KCNK12: variants seen among roughly 807,000 people sequenced by gnomAD.
KCNK12 encodes the protein potassium two pore domain channel subfamily K member 12.
In KCNK12, 6 loss-of-function variants were observed where a neutral mutation model predicts 25.3. The ratio of observed to expected loss-of-function variants is 0.24; its 90% CI spans 0.13 to 0.47. The LOEUF (loss-of-function observed/expected upper bound fraction) is 0.47, where lower values mean the gene tolerates loss of function less well. Ranked by LOEUF, KCNK12 falls within the 20% of genes least tolerant of loss-of-function variation. The probability of loss-of-function intolerance (pLI) is 0.99; values close to 1 mark genes in which losing one functional copy is unlikely to be tolerated. For missense variants in KCNK12, 444 were observed against 661.7 expected (o/e 0.67, Z 3.61); for synonymous variants, 331 against 311.1 (o/e 1.06, Z -0.67).
In KCNK12 at chr2:47,556,218, G is replaced by A. The variant is rs1270193653; in HGVS notation, c.391+13723C>T. ...AGTATAAATTAACAATGCATGGGGAGTGGGTAATGACAGGAACTAAGCCCT... is the reference window on the plus strand; with the variant it reads ...AGTATAAATTAACAATGCATGGGGAATGGGTAATGACAGGAACTAAGCCCT... On this transcript the variant is annotated intron_variant, in intron 1 of 1. Coordinates refer to ENST00000327876, the MANE Select transcript of KCNK12 (RefSeq NM_022055.2). This position sits in a 1 kb window ranked among gnomAD's most constrained non-coding sequence, Gnocchi z 4.8. 1.3e-5 allele frequency among the ~76,000 whole-genome samples: 2 copies of A among 152,236 alleles called. No individual in the cohort carries two copies. Among genetic ancestry groups the A allele is most frequent in the African/African-American group, 4.8e-5 (2 of 41,462 alleles).
chr2:47,557,566 C>G lies in KCNK12; in HGVS notation c.391+12375G>C, dbSNP rs1572607875. On this transcript the variant is annotated intron_variant, in intron 1 of 1. Coordinates refer to ENST00000327876, the MANE Select transcript of KCNK12 (RefSeq NM_022055.2). The surrounding 1 kb of genome is among the most constrained non-coding windows in gnomAD (Gnocchi z 4.9). ...TCTCCCTAACCACTACATTGTACTGCAAATTGTCACTTGGCAATGCAGATT... is the reference window on the plus strand; with the variant it reads ...TCTCCCTAACCACTACATTGTACTGGAAATTGTCACTTGGCAATGCAGATT... 6.6e-6 allele frequency among the ~76,000 whole-genome samples: 1 copy of G among 152,278 alleles called. No homozygotes were observed. The highest frequency in any genetic ancestry group is 1.5e-5 in the Non-Finnish European group (1 of 68,018).
At position 47,516,121 on chromosome 2, in the gene KCNK12, A is replaced by G. The variant is rs1457208210; in HGVS notation, c.*4786T>C. Among the ~76,000 whole-genome samples, 1 of 151,674 alleles carries G rather than the reference A, an allele frequency of 6.6e-6. No homozygotes were observed. Among genetic ancestry groups the G allele is most frequent in the Non-Finnish European group, 1.5e-5 (1 of 67,904 alleles). On this transcript the variant is annotated 3_prime_UTR_variant, in exon 2 of 2. Transcript: ENST00000327876. The stretch of plus-strand genomic sequence containing the variant: ...TGCCAGATCCAAAACTAGAATTCAG[A>G]CCTCCTAGTTTCTAAGTGGACGCTC...
intron 1 of KCNK12, among the ~76,000 whole-genome samples, chr2:47,542,620 A>T (rs539324915): frequency 6.6e-6 from 1 of 152,214 alleles, no homozygotes; most frequent in Admixed American, 6.5e-5. Flanking sequence ...CCTATATTTC[A>T]TCTGGGCCCC....
chr2:47,533,724 A>G lies in KCNK12; in HGVS notation c.392-11916T>C, dbSNP rs1346183466. 1.3e-5 allele frequency among the ~76,000 whole-genome samples: 2 copies of G among 152,114 alleles called. No homozygotes were observed. The highest frequency in any genetic ancestry group is 2.9e-5 in the Non-Finnish European group (2 of 68,018). The stretch of plus-strand genomic sequence containing the variant: ...GAGAGTGTGTGTGTGTGGGAGAGAT[A>G]TTTTTAAATGGGGCTGTTGTGGAAA... On this transcript the variant is annotated intron_variant, in intron 1 of 1. Coordinates refer to ENST00000327876, the MANE Select transcript of KCNK12 (RefSeq NM_022055.2). The surrounding 1 kb of genome is among the most constrained non-coding windows in gnomAD (Gnocchi z 4.7).
At position 47,556,003 on chromosome 2, in the gene KCNK12, C is replaced by T. The variant is rs890921087; in HGVS notation, c.391+13938G>A. 3.3e-5 allele frequency: 5 copies of T among 152,136 alleles called. No homozygotes were observed. The highest frequency in any genetic ancestry group is 4.4e-5 in the Non-Finnish European group (3 of 68,040). 9.4% of individuals were successfully genotyped at this position (152,136 alleles called of 1,614,324 possible). On this transcript the variant is annotated intron_variant, in intron 1 of 1. Transcript: ENST00000327876. The surrounding 1 kb of genome is among the most constrained non-coding windows in gnomAD (Gnocchi z 4.8). ...GGGGCCACTAGGGACCTTACAATAA[C>T]GTAGTCACTGGAAAGGTGGGGCTGG... is the stretch of plus-strand genomic sequence containing the variant.
chr2:47,544,568 T>G (rs1669272811), intron 1 of KCNK12, among the ~76,000 whole-genome samples: 1 of 152,262 alleles, frequency 6.6e-6, no homozygotes, highest in Admixed American at 6.5e-5. Context: ...ATGGGATTTG[T>G]TTTAAGCGCC....
At position 47,520,517 on chromosome 2, in the gene KCNK12, TA is replaced by T. The variant is rs891381246; in HGVS notation, c.*389del. 5.4e-5 allele frequency: 9 copies of T among 168,032 alleles called. No homozygotes were observed. Among genetic ancestry groups the T allele is most frequent in the African/African-American group, 2.1e-4 (9 of 42,052 alleles). The allele number at this position is 168,032 out of a possible 1,614,324, so 10.4% of individuals were successfully genotyped here. A position where few individuals can be genotyped will look rare whatever the true frequency, so the allele number is the denominator to read the frequency against. On this transcript the variant is annotated 3_prime_UTR_variant, in exon 2 of 2. Transcript: ENST00000327876. The surrounding 1 kb of genome is among the most constrained non-coding windows in gnomAD (Gnocchi z 5.0). The stretch of plus-strand genomic sequence containing the variant: ...GCCAGGATTCTAAATGCTGAGGAGG[TA>T]ATTCAGAGCCACGAAAAGTTGCACC...
In KCNK12 at chr2:47,556,832, G is replaced by C. The variant is rs553818343; in HGVS notation, c.391+13109C>G. The stretch of plus-strand genomic sequence containing the variant: ...CCCAAACAGGGTGATATCAGAGGAT[G>C]GGAGCTGGAAGCATGGGAGGTGGTG... On this transcript the variant is annotated intron_variant, in intron 1 of 1. Transcript: ENST00000327876. The surrounding 1 kb of genome is among the most constrained non-coding windows in gnomAD (Gnocchi z 4.8). Among the ~76,000 whole-genome samples the C allele has an allele frequency of 6.6e-6, 1 of 152,166 alleles. No individual in the cohort carries two copies. The highest frequency in any genetic ancestry group is 2.4e-5 in the African/African-American group (1 of 41,436).
In KCNK12 at chr2:47,547,635, T is replaced by C. The variant is rs1294256316; in HGVS notation, c.391+22306A>G. Among the ~76,000 whole-genome samples the C allele has an allele frequency of 6.6e-6, 1 of 152,110 alleles. No homozygotes were observed. Among genetic ancestry groups the C allele is most frequent in the Non-Finnish European group, 1.5e-5 (1 of 68,008 alleles). On this transcript the variant is annotated intron_variant, in intron 1 of 1. Coordinates refer to ENST00000327876, the MANE Select transcript of KCNK12 (RefSeq NM_022055.2). This position sits in a 1 kb window ranked among gnomAD's most constrained non-coding sequence, Gnocchi z 5.0. ...ACTTTTGAGATGGAGTCTCATTCTG[T>C]CACCCAGGCTGGAGTGCAGTACCAT...
chr2:47,534,685 G>A (rs1446280030), intron 1 of KCNK12, among the ~76,000 whole-genome samples: 1 of 151,898 alleles, frequency 6.6e-6, no homozygotes, highest in African/African-American at 2.4e-5. Flanking sequence ...CACCTACCCC[G>A]TCCCTCACTC....
In KCNK12 at chr2:47,570,036, G is replaced by A. The variant is rs938998104; in HGVS notation, c.296C>T (p.Ala99Val). The part of the protein sequence containing the change: ...ELRAFLRHYE[A>V]ALAAGVRADA... The stretch of plus-strand genomic sequence containing the variant: ...GGCGCGGACGCCGGCGGCCAGCGCG[G>A]CCTCGTAGTGCCGGAGGAAGGCGCG... The change falls in exon 1 of 2, where the codon GCC becomes GTC. Residue 99 changes from alanine to valine, a missense_variant. By Grantham distance (64) the Ala-to-Val change is moderately conservative (BLOSUM62 0). Transcript: ENST00000327876. 33 of 1,419,658 alleles carry A rather than the reference G, an allele frequency of 2.3e-5. No homozygotes were observed. Among genetic ancestry groups the A allele is most frequent in the Non-Finnish European group, 2.8e-5 (30 of 1,087,172 alleles). 87.9% of individuals were successfully genotyped at this position (1,419,658 alleles called of 1,614,324 possible). A position where few individuals can be genotyped will look rare whatever the true frequency, so the allele number is the denominator to read the frequency against.
Position 47,570,630 on chromosome 2 carries a change from C to G in KCNK12, c.-299G>C, listed in dbSNP as rs1669873137. The G allele has an allele frequency of 5.2e-6, 1 of 191,846 alleles. No homozygotes were observed. The highest frequency in any genetic ancestry group is 1.9e-4 in the South Asian group (1 of 5,228). The allele number at this position is 191,846 out of a possible 1,614,324, so 11.9% of individuals were successfully genotyped here. A position where few individuals can be genotyped will look rare whatever the true frequency, so the allele number is the denominator to read the frequency against. On this transcript the variant is annotated 5_prime_UTR_variant, in exon 1 of 2. Coordinates refer to ENST00000327876, the MANE Select transcript of KCNK12 (RefSeq NM_022055.2). ...CCCGCGGCTCCTTACCCGCCGCTCT[C>G]GGGCGCGGGGCTCCGCAGCTAGGCC...
At chr2:47,550,300 C>G (rs1330726830) in intron 1 of KCNK12, among the ~76,000 whole-genome samples, 7 of 150,508 alleles carry the variant, frequency 4.7e-5, no homozygotes, top group Admixed American at 2.0e-4. Context: ...TGTTGAAAGT[C>G]AGGAATGAAG....
At chr2:47,550,852 T>A (rs944351785) in intron 1 of KCNK12, among the ~76,000 whole-genome samples, 3 of 152,094 alleles carry the variant, frequency 2.0e-5, no homozygotes, top group Non-Finnish European at 4.4e-5. Context: ...CCGGTCCAAA[T>A]CATCATCATC....
rs964237131 is a variant in KCNK12 at position 47,557,854 on chromosome 2, G to A, written c.391+12087C>T. On this transcript the variant is annotated intron_variant, in intron 1 of 1. Transcript: ENST00000327876. This position sits in a 1 kb window ranked among gnomAD's most constrained non-coding sequence, Gnocchi z 4.9. Reference sequence around the variant, plus strand: ...AGGAACTGAGATGCCTTAGGGATTCGGGGACTGTGAAGGTAGAAACGGCAG... The same window carrying A: ...AGGAACTGAGATGCCTTAGGGATTCAGGGACTGTGAAGGTAGAAACGGCAG... Among the ~76,000 whole-genome samples, 2 of 152,084 alleles carry A rather than the reference G, an allele frequency of 1.3e-5. No individual in the cohort carries two copies. Among genetic ancestry groups the A allele is most frequent in the Admixed American group, 6.6e-5 (1 of 15,264 alleles).
chr2:47,544,478 T>C (rs1669269917), intron 1 of KCNK12, among the ~76,000 whole-genome samples: 1 of 152,258 alleles, frequency 6.6e-6, no homozygotes, highest in Non-Finnish European at 1.5e-5. Flanking sequence ...CTAACACCAT[T>C]GTTCGCAGCG....
rs116710820 is a variant in KCNK12, at chr2:47,544,456, C to T, written c.392-22648G>A. Among the ~76,000 whole-genome samples, 1,194 of 152,350 alleles carry T rather than the reference C, an allele frequency of 7.8e-3. 5 individuals carry two copies. The highest frequency in any genetic ancestry group is 0.014 in the Middle Eastern group (4 of 294). On this transcript the variant is annotated intron_variant, in intron 1 of 1. Coordinates refer to ENST00000327876, the MANE Select transcript of KCNK12 (RefSeq NM_022055.2). ...TCTTTCAAACCCTTTCTTCCCAGGC[C>T]CCCAGTGATGGCTAACACCATTGTT...
intron 1 of KCNK12, among the ~76,000 whole-genome samples, chr2:47,527,211 C>T (rs1448747511): frequency 6.6e-6 from 1 of 152,182 alleles, no homozygotes; most frequent in Non-Finnish European, 1.5e-5. Context: ...GCCAGGGGAG[C>T]ATCTTCGTGG....
chr2:47,553,896 C>A (rs1669494099), intron 1 of KCNK12, among the ~76,000 whole-genome samples: 1 of 152,178 alleles, frequency 6.6e-6, no homozygotes, highest in African/African-American at 2.4e-5. Context: ...ATCAGACATA[C>A]TGGAAAGAAC....
Sources: allele counts gnomAD v4.1 joint callset (sites outside exome capture counted in the v4.1 genomes callset), GRCh38; gene constraint gnomAD v4.1.1; non-coding constraint Gnocchi (gnomAD v3.1); transcripts MANE v1.5; gene names NCBI Gene and HGNC (gene_info 2026-07-23, HGNC 2026-07-21).